Variants in APPL2 observed in about 807,000 individuals in gnomAD.
The protein encoded by APPL2 is adaptor protein, phosphotyrosine interacting with PH domain and leucine zipper 2.
Under a neutral mutation model 92.7 loss-of-function variants are expected in APPL2, and 84 were observed. The observed-to-expected ratio is 0.91, with a 90% CI of 0.76 to 1.09. APPL2 has a LOEUF of 1.09. APPL2 is among the 50% of genes least tolerant of loss of function. The pLI, the probability that APPL2 is intolerant of heterozygous loss-of-function variation, is 0.00. For missense variants in APPL2, 736 were observed against 824.5 expected, an observed-to-expected ratio of 0.89 and a Z score of 1.31; for synonymous variants, 291 against 291.0, an observed-to-expected ratio of 1.00 and a Z score of 0.00.
chr12:105,185,107 C>A (rs561310993), intron 17 of APPL2, among the ~76,000 whole-genome samples: 2 of 152,286 alleles, frequency 1.3e-5, no homozygotes, highest in East Asian at 1.9e-4. Context: ...GCCCCTCCCC[C>A]CCACCAAGCT....
intron 9 of APPL2, among the ~76,000 whole-genome samples, chr12:105,200,009 T>G (rs11112406): frequency 6.6e-6 from 1 of 151,084 alleles, no homozygotes; most frequent in South Asian, 2.1e-4. Context: ...TTTTTTTTTG[T>G]ATTTTTAGTA....
intron 2 of APPL2, among the ~76,000 whole-genome samples, chr12:105,222,047 T>C (rs1478048926): frequency 6.6e-6 from 1 of 152,128 alleles, no homozygotes; most frequent in Admixed American, 6.5e-5. Flanking sequence ...TCACATTCAG[T>C]ACCCAGTGTT....
At chr12:105,233,739 C>A (rs1592848262) in intron 1 of APPL2, among the ~76,000 whole-genome samples, 1 of 145,470 alleles carries the variant, frequency 6.9e-6, no homozygotes, top group Non-Finnish European at 1.5e-5. Context: ...CCAGTCCTGG[C>A]TCTGTCACTT....
chr12:105,190,385 CTG>C (rs1019666485), intron 14 of APPL2, among the ~76,000 whole-genome samples: 3 of 152,214 alleles, frequency 2.0e-5, no homozygotes, highest in African/African-American at 4.8e-5. Context: ...GCATCCTGCA[CTG>C]TGTTACTAGT....
chr12:105,199,305 G>T, intron 10 of APPL2, 68 bp downstream of exon 10: 1 of 1,553,170 alleles, frequency 6.4e-7, no homozygotes. Context: ...AGGCACGTAA[G>T]ATTGCTTTTC....
intron 1 of APPL2, among the ~76,000 whole-genome samples, chr12:105,231,548 C>T (rs1455435534): frequency 6.6e-6 from 1 of 152,192 alleles, no homozygotes; most frequent in Non-Finnish European, 1.5e-5. Flanking sequence ...AGGAATGTGG[C>T]AGGGCTGGGA....
intron 4 of APPL2, among the ~76,000 whole-genome samples, chr12:105,215,105 G>C (rs1889568563): frequency 6.6e-6 from 1 of 152,150 alleles, no homozygotes; most frequent in Non-Finnish European, 1.5e-5. Context: ...TCCCTGATTT[G>C]TGGGCCATTC....
intron 5 of APPL2, among the ~76,000 whole-genome samples, chr12:105,210,595 T>C (rs1889134398): frequency 1.3e-5 from 2 of 152,198 alleles, no homozygotes; most frequent in African/African-American, 2.4e-5. Context: ...TTCTAAGAAA[T>C]ATAAAATTGT....
At chr12:105,226,548 T>C (rs913342501) in intron 2 of APPL2, among the ~76,000 whole-genome samples, 3 of 152,204 alleles carry the variant, frequency 2.0e-5, no homozygotes, top group Admixed American at 6.5e-5. Flanking sequence ...TAACCCCAAG[T>C]AGATGATTCT....
chr12:105,194,831 C>CT (rs1399252447), intron 14 of APPL2, among the ~76,000 whole-genome samples: 2 of 150,150 alleles, frequency 1.3e-5, no homozygotes, highest in Admixed American at 6.6e-5. Flanking sequence ...ACATATAAAA[C>CT]TATCACTGTA....
At chr12:105,211,928 T>C (rs1207624067) in intron 4 of APPL2, among the ~76,000 whole-genome samples, 1 of 151,916 alleles carries the variant, frequency 6.6e-6, no homozygotes, top group Non-Finnish European at 1.5e-5. Context: ...AGACCATCCT[T>C]GCTAGCACAG....
intron 1 of APPL2, among the ~76,000 whole-genome samples, chr12:105,235,714 G>A (rs1891184602): frequency 6.6e-6 from 1 of 152,110 alleles, no homozygotes; most frequent in South Asian, 2.1e-4. Context: ...GCTTGCAGGG[G>A]GGTCACGACA....
In APPL2 at chr12:105,229,171, T is replaced by C. The variant is rs755351715; in HGVS notation, c.107A>G (p.Tyr36Cys). 4.3e-6 allele frequency: 7 copies of C among 1,613,610 alleles called. No homozygotes were observed. Among genetic ancestry groups the C allele is most frequent in the Admixed American group, 3.3e-5 (2 of 59,990 alleles). The stretch of plus-strand genomic sequence containing the variant: ...CATTGCCTGGAGCAGCTGGTTGGTA[T>C]AGTCTGTGAGGGTGCCAGCATCTTC... ...FEEDAGTLTD[Y>C]TNQLLQAMQR... Residue 36 changes from tyrosine to cysteine, a missense_variant, in exon 2 of 21, where the codon TAT (tyrosine) becomes TGT (cysteine). Physicochemically the swap from Tyr to Cys is radical, Grantham distance 194. Transcript: ENST00000258530.
In APPL2 at chr12:105,199,457, G is replaced by C. The variant is rs772596522; in HGVS notation, c.779C>G (p.Ser260Cys). 3 of 1,614,070 alleles carry C rather than the reference G, an allele frequency of 1.9e-6. No individual in the cohort carries two copies. Among genetic ancestry groups the C allele is most frequent in the South Asian group, 2.2e-5 (2 of 91,086 alleles). Residue 260 changes from serine to cysteine, a missense_variant, in exon 10 of 21, where the codon TCT becomes TGT. By Grantham distance (112) the Ser-to-Cys change is moderately radical. Coordinates refer to ENST00000258530, the MANE Select transcript of APPL2 (RefSeq NM_018171.5). ...CACATCAGAGTCTGGAGTGTAAACA[G>C]ATTCATCAACAGAAAGTAATTCTTG... ...SQQELLSVDE[S>C]VYTPDSDVAA...
chr12:105,235,946 C>A lies in APPL2; in HGVS notation c.54+13G>T. On this transcript the variant is annotated intron_variant, in intron 1 of 20. Coordinates refer to ENST00000258530, the MANE Select transcript of APPL2 (RefSeq NM_018171.5). ...CCCCTGCGGGCGAGGGGCACCGGAG[C>A]GGCGGGAGGTACCTGGGGGCTGTCC... is the stretch of plus-strand genomic sequence containing the variant. 8.1e-7 allele frequency: 1 copy of A among 1,242,182 alleles called. No individual in the cohort carries two copies. Among genetic ancestry groups the A allele is most frequent in the Non-Finnish European group, 1.0e-6 (1 of 984,760 alleles). 76.9% of individuals were successfully genotyped at this position (1,242,182 alleles called of 1,614,324 possible). A position where few individuals can be genotyped will look rare whatever the true frequency, so the allele number is the denominator to read the frequency against.
Position 105,195,256 on chromosome 12 carries a change from G to A in APPL2, c.1241+5C>T. 1 of 1,614,016 alleles carries A rather than the reference G, an allele frequency of 6.2e-7. No homozygotes were observed. The highest frequency in any genetic ancestry group is 1.1e-5 in the South Asian group (1 of 91,084). The stretch of plus-strand genomic sequence containing the variant: ...AAAGCTAGTTTTTCTTTGTCCTTTA[G>A]TTACCTGGGGCATGAGCTTTCTTGT... On this transcript the variant is annotated splice_donor_5th_base_variant and intron_variant, in intron 14 of 20. Coordinates refer to ENST00000258530, the MANE Select transcript of APPL2 (RefSeq NM_018171.5).
chr12:105,206,403 A>T (rs931306331), intron 8 of APPL2, among the ~76,000 whole-genome samples: 1 of 152,166 alleles, frequency 6.6e-6, no homozygotes, highest in Non-Finnish European at 1.5e-5. Context: ...GGGCAAACGC[A>T]GGATGGGGTG....
At chr12:105,193,231 T>C (rs765187062) in intron 14 of APPL2, among the ~76,000 whole-genome samples, 1 of 152,222 alleles carries the variant, frequency 6.6e-6, no homozygotes, top group Non-Finnish European at 1.5e-5. Context: ...TAATTAAATA[T>C]AGGCTGCAAA....
At chr12:105,199,190 A>G (rs1433023044) in intron 10 of APPL2, 183 bp downstream of exon 10, 1 of 648,200 alleles carries the variant, frequency 1.5e-6, no homozygotes, top group Non-Finnish European at 2.6e-6. Context: ...CTCTTAGTGC[A>G]GTTTGGCGCC....
Sources: gnomAD v4.1 joint callset for allele counts (sites outside exome capture counted in the v4.1 genomes callset) on GRCh38, gnomAD v4.1.1 for gene constraint, MANE v1.5 for transcripts, NCBI Gene and HGNC (gene_info 2026-07-23, HGNC 2026-07-21) for gene names.